PCDHA9: variants seen among roughly 807,000 people sequenced by gnomAD.
PCDHA9 encodes protocadherin alpha 9.
Under a neutral mutation model 62.0 loss-of-function variants are expected in PCDHA9, and 62 were observed. The ratio of observed to expected loss-of-function variants is 1.00; its 90% CI spans 0.81 to 1.23. PCDHA9 has a LOEUF of 1.23. PCDHA9 is among the 50% of genes most tolerant of loss of function. The pLI, the probability that PCDHA9 is intolerant of heterozygous loss-of-function variation, is 0.00. For missense variants in PCDHA9, 1,205 were observed against 1,249.8 expected, an observed-to-expected ratio of 0.96 and a Z score of 0.54; for synonymous variants, 557 against 567.6, an observed-to-expected ratio of 0.98 and a Z score of 0.27.
At chr5:140,997,918 A>G (rs2097790482) in intron 3 of PCDHA9, among the ~76,000 whole-genome samples, 1 of 152,220 alleles carries the variant, frequency 6.6e-6, no homozygotes, top group South Asian at 2.1e-4. Context: ...TTACAGAATC[A>G]TAGGATATAA....
chr5:140,897,762 A>C (rs572488219), intron 1 of PCDHA9, among the ~76,000 whole-genome samples: 15 of 152,204 alleles, frequency 9.9e-5, no homozygotes, highest in African/African-American at 2.7e-4. Context: ...AGGAATCGCC[A>C]CACTGACTTC....
chr5:140,924,036 C>A (rs2081633869), intron 1 of PCDHA9, among the ~76,000 whole-genome samples: 1 of 152,162 alleles, frequency 6.6e-6, no homozygotes, highest in African/African-American at 2.4e-5. Context: ...TGGCTGCAGA[C>A]CTAAAAGTTC....
At chr5:140,997,670 G>A (rs1587757819) in intron 3 of PCDHA9, among the ~76,000 whole-genome samples, 1 of 79,680 alleles carries the variant, frequency 1.3e-5, no homozygotes, top group Non-Finnish European at 2.9e-5. Flanking sequence ...TATACAGCTT[G>A]TGTGTGTGTG....
At chr5:140,909,854 C>T (rs756812618) in intron 1 of PCDHA9, among the ~76,000 whole-genome samples, 8 of 152,186 alleles carry the variant, frequency 5.3e-5, no homozygotes, top group Non-Finnish European at 1.2e-4. Flanking sequence ...CGTTTTCGGT[C>T]CCCTGGAGTC....
chr5:140,985,039 G>A lies in PCDHA9; in HGVS notation c.2542+2476G>A, dbSNP rs112093918. Among the ~76,000 whole-genome samples the A allele has an allele frequency of 5.2e-3, 789 of 152,178 alleles. 6 individuals carry two copies. Among genetic ancestry groups the A allele is most frequent in the African/African-American group, 0.018 (750 of 41,516 alleles). ...AGCAACCTCTGCCTCCTGGGTTCAA[G>A]TGATTCTCCTGCCTCAGCCTCCTGA... On this transcript the variant is annotated intron_variant, in intron 3 of 3. Transcript: ENST00000532602.
intron 1 of PCDHA9, among the ~76,000 whole-genome samples, chr5:140,931,986 C>G (rs562622204): frequency 2.0e-4 from 30 of 151,912 alleles, no homozygotes; most frequent in African/African-American, 7.0e-4. Flanking sequence ...ATATTTTGCT[C>G]AAATTCTAAG....
chr5:140,877,684 A>T, intron 1 of PCDHA9: 1 of 1,613,768 alleles, frequency 6.2e-7, no homozygotes, highest in Non-Finnish European at 8.5e-7. Context: ...GGGCAAGCCC[A>T]CGCTGGTGTG....
chr5:140,852,043 A>G, intron 1 of PCDHA9: 1 of 921,642 alleles, frequency 1.1e-6, no homozygotes, highest in Non-Finnish European at 1.3e-6. Flanking sequence ...AGTTTTTGTT[A>G]TGTGGTTTAT....
intron 3 of PCDHA9, among the ~76,000 whole-genome samples, chr5:141,008,870 C>G (rs539100133): frequency 1.4e-4 from 22 of 152,126 alleles, no homozygotes; most frequent in Non-Finnish European, 7.3e-5. Flanking sequence ...ATGCTGCATC[C>G]CACCACCCTT....
chr5:140,904,047 A>C (rs1554191240), intron 1 of PCDHA9, among the ~76,000 whole-genome samples: 1 of 152,164 alleles, frequency 6.6e-6, no homozygotes, highest in Admixed American at 6.6e-5. Flanking sequence ...TAATTTTTTT[A>C]TTTCAATGGG....
At chr5:140,910,482 C>T (rs1439012617) in intron 1 of PCDHA9, among the ~76,000 whole-genome samples, 3 of 152,178 alleles carry the variant, frequency 2.0e-5, no homozygotes, top group African/African-American at 7.2e-5. Flanking sequence ...ATCTGGCATA[C>T]AGAGAAGAGC....
rs782115498 is a variant in PCDHA9, at chr5:140,856,112, G to C, written c.2394+5223G>C. ...GCTGCTCTCGCTTCTTCTCCTCGCA[G>C]CCTGGGAGGTGGGGAGCGGCCAGCT... On this transcript the variant is annotated intron_variant, in intron 1 of 3. Coordinates refer to ENST00000532602, the MANE Select transcript of PCDHA9 (RefSeq NM_031857.2). The C allele has an allele frequency of 2.5e-6, 4 of 1,598,194 alleles. 1 individual carries two copies. The South Asian group carries it at 4.4e-5, about 18-fold the overall frequency.
chr5:140,906,611 C>T (rs2072787341), intron 1 of PCDHA9, among the ~76,000 whole-genome samples: 1 of 152,196 alleles, frequency 6.6e-6, no homozygotes, highest in Non-Finnish European at 1.5e-5. Flanking sequence ...ATTCTGTATT[C>T]CCTTTGCCTT....
intron 1 of PCDHA9, among the ~76,000 whole-genome samples, chr5:140,954,720 T>C (rs1255262640): frequency 1.3e-5 from 2 of 152,168 alleles, no homozygotes; most frequent in African/African-American, 4.8e-5. Context: ...ATTCTGTAGG[T>C]TGTCTTTTCA....
chr5:140,869,373 C>A (rs782224697), intron 1 of PCDHA9: 1 of 1,614,102 alleles, frequency 6.2e-7, no homozygotes, highest in Non-Finnish European at 8.5e-7. Context: ...ATTCTCGGAT[C>A]GACCGCGAGG....
At chr5:140,857,599 C>T (rs2044712961) in intron 1 of PCDHA9, 1 of 1,596,308 alleles carries the variant, frequency 6.3e-7, no homozygotes, top group Non-Finnish European at 8.6e-7. Flanking sequence ...GCAAGGTGTA[C>T]GCGCTGCAGC....
chr5:140,850,744 A>G lies in PCDHA9; in HGVS notation c.2249A>G (p.Tyr750Cys), dbSNP rs2150496809. 2 of 1,597,586 alleles carry G rather than the reference A, an allele frequency of 1.3e-6. No individual in the cohort carries two copies. The highest frequency in any genetic ancestry group is 1.7e-6 in the Non-Finnish European group (2 of 1,167,570). ...TCTAGCGCGGTGGGGAGTTGGTCGTACTCGCAGCAGAGGAGGCAGAGGGTG... is the reference window on the plus strand; with the variant it reads ...TCTAGCGCGGTGGGGAGTTGGTCGTGCTCGCAGCAGAGGAGGCAGAGGGTG... ...VCSSAVGSWSYSQQRRQRVCS... is the reference protein window; with the variant it reads ...VCSSAVGSWSCSQQRRQRVCS... Residue 750 changes from tyrosine to cysteine, a missense_variant, in exon 1 of 4, where the codon TAC becomes TGC. Tyr to Cys is a radical substitution (Grantham distance 194, BLOSUM62 -2). This residue lies in a region of PCDHA9 where 887 missense variants were observed against 809.5 expected (regional missense o/e 1.10). Coordinates refer to ENST00000532602, the MANE Select transcript of PCDHA9 (RefSeq NM_031857.2).
intron 3 of PCDHA9, among the ~76,000 whole-genome samples, chr5:141,005,701 CAA>C (rs59860837): frequency 3.2e-3 from 25 of 7,784 alleles, no homozygotes; most frequent in African/African-American, 6.6e-3. Flanking sequence ...AACTCCGTCT[CAA>C]AAAAAAAAAA....
At chr5:140,852,265 T>C in intron 1 of PCDHA9, 1 of 505,256 alleles carries the variant, frequency 2.0e-6, no homozygotes, top group Non-Finnish European at 2.6e-6. Flanking sequence ...TATGCTACAA[T>C]ATTACATGTT....
Sources: allele counts gnomAD v4.1 joint callset (sites outside exome capture counted in the v4.1 genomes callset), GRCh38; gene constraint gnomAD v4.1.1; regional missense constraint gnomAD v4.1.1; transcripts MANE v1.5; gene names NCBI Gene and HGNC (gene_info 2026-07-23, HGNC 2026-07-21).